Variants in PRRT4 observed in about 807,000 individuals in gnomAD.
PRRT4 encodes proline-rich transmembrane protein 4.
A neutral mutation model predicts 55.6 loss-of-function variants in PRRT4; 59 were observed. That is an observed-to-expected ratio of 1.06 (90% CI 0.86 to 1.32). The LOEUF (loss-of-function observed/expected upper bound fraction) is 1.32, where lower values mean the gene tolerates loss of function less well. Among genes scored for constraint, PRRT4 ranks in the 40% most tolerant of loss-of-function variants. The pLI, the probability that PRRT4 is intolerant of heterozygous loss-of-function variation, is 0.00. For missense variants in PRRT4, 1,217 were observed against 1,222.0 expected (o/e 1.00, Z 0.06); for synonymous variants, 606 against 601.8 (o/e 1.01, Z -0.10).
At chr7:128,356,447 C>A (rs1797113663) in intron 4 of PRRT4, among the ~76,000 whole-genome samples, 1 of 152,196 alleles carries the variant, frequency 6.6e-6, no homozygotes, top group Non-Finnish European at 1.5e-5. Flanking sequence ...TGGCTTCTGC[C>A]TTTGTAGGGT....
exon 5 of PRRT4, chr7:128,351,371 G>T: frequency 1.3e-6 from 2 of 1,545,590 alleles, no homozygotes; most frequent in Non-Finnish European, 8.7e-7. Flanking sequence ...ATGCTGCGTC[G>T]CAGGTTGATT....
exon 5 of PRRT4, chr7:128,351,451 G>T (rs747205837): frequency 3.3e-6 from 5 of 1,522,660 alleles, no homozygotes; most frequent in Non-Finnish European, 4.4e-6. Flanking sequence ...GGCCGGGTTG[G>T]CCGCCGCGCC....
At chr7:128,357,397 C>T (rs530034603) in intron 4 of PRRT4, among the ~76,000 whole-genome samples, 1 of 152,206 alleles carries the variant, frequency 6.6e-6, no homozygotes, top group East Asian at 1.9e-4. Context: ...GAGGTGGGGC[C>T]GCCAGCCTGC....
chr7:128,354,857 A>G (rs753217991), intron 4 of PRRT4, among the ~76,000 whole-genome samples: 5 of 152,198 alleles, frequency 3.3e-5, no homozygotes, highest in Non-Finnish European at 7.3e-5. Flanking sequence ...AATGAGTAAG[A>G]GTACCTACTG....
At chr7:128,360,820 C>A (rs1475981101) in intron 1 of PRRT4, among the ~76,000 whole-genome samples, 2 of 152,052 alleles carry the variant, frequency 1.3e-5, no homozygotes, top group Non-Finnish European at 2.9e-5. Flanking sequence ...CGGACTCCTA[C>A]CCCCTCCCCA....
chr7:128,361,487 C>A, intron 1 of PRRT4, 65 bp from the exon 2 acceptor site: 1 of 153,712 alleles, frequency 6.5e-6, no homozygotes, highest in South Asian at 1.8e-4. Flanking sequence ...CTCGCCTAGT[C>A]CAGAGACCGC....
chr7:128,352,530 G>T (rs534651389), exon 5 of PRRT4: 3 of 1,543,920 alleles, frequency 1.9e-6, no homozygotes, highest in African/African-American at 1.4e-5. Context: ...GGAAAAAGAG[G>T]GGCCTCGGCG....
chr7:128,351,081 G>A (rs1476819994), exon 5 of PRRT4: 22 of 1,548,712 alleles, frequency 1.4e-5, no homozygotes, highest in Non-Finnish European at 1.8e-5. Context: ...GGCAGCGCGG[G>A]GGCCTGTCGG....
At chr7:128,350,733 G>T, downstream of PRRT4, 1 of 1,441,124 alleles carries the variant, frequency 6.9e-7, no homozygotes, top group Non-Finnish European at 9.2e-7. Flanking sequence ...ACCCCTGGAT[G>T]GGGAAGGAAT....
Position 128,358,665 on chromosome 7 carries a change from T to C in PRRT4, c.877+16A>G, listed in dbSNP as rs1412705165. 1 of 1,551,058 alleles carries C rather than the reference T, an allele frequency of 6.4e-7. No homozygotes were observed. Among genetic ancestry groups the C allele is most frequent in the Non-Finnish European group, 8.7e-7 (1 of 1,146,462 alleles). Reference sequence around the variant, plus strand: ...TCAATAAATAATTGTCAAGTTCAAATGAATTGGATACTTACCTAATGATGT... The same window carrying C: ...TCAATAAATAATTGTCAAGTTCAAACGAATTGGATACTTACCTAATGATGT... On this transcript the variant is annotated intron_variant, in intron 4 of 4. Transcript: ENST00000535159. The surrounding 1 kb of genome is among the most constrained non-coding windows in gnomAD (Gnocchi z 4.4).
rs1308334526 is a variant in PRRT4 at position 128,357,232 on chromosome 7, ACACACTCTCTCTCTCTCT to A, written c.877+1431_877+1448del. Among the ~76,000 whole-genome samples, 9 of 121,632 alleles carry A rather than the reference ACACACTCTCTCTCTCTCT, an allele frequency of 7.4e-5. No homozygotes were observed. The East Asian group carries it at 1.1e-3, about 15-fold the overall frequency. 79.8% of individuals were successfully genotyped at this position (121,632 alleles called of 152,430 possible). A position where few individuals can be genotyped will look rare whatever the true frequency, so the allele number is the denominator to read the frequency against. ...AATACACACACACACACACACACAC[ACACACTCTCTCTCTCTCT>A]CTCTCTCTCTCTCTCTCTGCTGGCA... On this transcript the variant is annotated intron_variant, in intron 4 of 4. Transcript: ENST00000535159.
rs547967440 is a variant in PRRT4 at position 128,358,800 on chromosome 7, C to G, written c.758G>C (p.Gly253Ala). The G allele has an allele frequency of 3.6e-5, 56 of 1,538,714 alleles. No homozygotes were observed. The highest frequency in any genetic ancestry group is 4.6e-5 in the Non-Finnish European group (52 of 1,142,324). Residue 253 changes from glycine to alanine, a missense_variant and splice_region_variant, in exon 4 of 5, where the codon GGG becomes GCG. Physicochemically the swap from Gly to Ala is moderately conservative, Grantham distance 60. Transcript: ENST00000535159. This position sits in a 1 kb window ranked among gnomAD's most constrained non-coding sequence, Gnocchi z 4.4. ...CAGGGACAGAGTGGTACCAAGGAAC[C>G]CTGCAAAGGGAGCACATGGGGCTCA... is the stretch of plus-strand genomic sequence containing the variant.
At chr7:128,353,891 G>A (rs1334428763) in intron 4 of PRRT4, among the ~76,000 whole-genome samples, 2 of 152,172 alleles carry the variant, frequency 1.3e-5, no homozygotes, top group Admixed American at 6.5e-5. Context: ...CCTAAGAGAG[G>A]GTGAGGAGTA....
chr7:128,353,244 G>A (rs1043422513), intron 4 of PRRT4, among the ~76,000 whole-genome samples: 4 of 152,102 alleles, frequency 2.6e-5, no homozygotes, highest in Admixed American at 6.5e-5. Flanking sequence ...GGGCAGAGCT[G>A]CACCTAGAAC....
At chr7:128,351,352 G>T in exon 5 of PRRT4, 2 of 1,547,312 alleles carry the variant, frequency 1.3e-6, no homozygotes, top group South Asian at 2.4e-5. Context: ...GCTGCAGAGG[G>T]CCTCCTCGAT....
chr7:128,361,166 C>T (rs1030488526), intron 1 of PRRT4, 140 bp downstream of exon 2: 1 of 153,618 alleles, frequency 6.5e-6, no homozygotes, highest in Non-Finnish European at 1.4e-5. Flanking sequence ...GAGATGCACA[C>T]CCCCTACACA....
chr7:128,352,489 C>T, exon 5 of PRRT4: 2 of 1,541,138 alleles, frequency 1.3e-6, no homozygotes, highest in Non-Finnish European at 1.7e-6. Flanking sequence ...CCAGCGAGCC[C>T]TGGCCTCTGC....
chr7:128,358,858 G>A lies in PRRT4; in HGVS notation c.758-58C>T, dbSNP rs563443512. On this transcript the variant is annotated intron_variant, in intron 3 of 4. Coordinates refer to ENST00000535159, the Ensembl canonical transcript of PRRT4. The surrounding 1 kb of genome is among the most constrained non-coding windows in gnomAD (Gnocchi z 4.4). ...CCCCACCAACCAGCCTTGCCTCTGG[G>A]AGTTTGGAGAAAATTATGTCCTTCC... The A allele has an allele frequency of 8.8e-6, 13 of 1,477,282 alleles. No homozygotes were observed. In the South Asian group the frequency reaches 1.8e-4, roughly 21 times the overall value. The allele number at this position is 1,477,282 out of a possible 1,614,324, so 91.5% of individuals were successfully genotyped here.
exon 2 of PRRT4, chr7:128,359,359 A>G (rs1031751277): frequency 1.4e-6 from 2 of 1,475,076 alleles, no homozygotes. Context: ...CCAGGCGCCC[A>G]GCAATCTCTG....
Sources: gnomAD v4.1 joint callset for allele counts (sites outside exome capture counted in the v4.1 genomes callset) on GRCh38, gnomAD v4.1.1 for gene constraint, Gnocchi (gnomAD v3.1) non-coding constraint, MANE v1.5 for transcripts, NCBI Gene and HGNC (gene_info 2026-07-23, HGNC 2026-07-21) for gene names.